GPC5: variants seen among roughly 807,000 people sequenced by gnomAD.
The protein encoded by GPC5 is glypican-5.
A neutral mutation model predicts 53.9 loss-of-function variants in GPC5; 47 were observed. The ratio of observed to expected loss-of-function variants is 0.87; its 90% CI spans 0.69 to 1.11. GPC5 has a LOEUF of 1.11. Among genes scored for constraint, GPC5 ranks in the 50% most tolerant of loss-of-function variants. The pLI, the probability that GPC5 is intolerant of heterozygous loss-of-function variation, is 0.00. For synonymous variants in GPC5, 286 were observed against 263.3 expected, an observed-to-expected ratio of 1.09 and a Z score of -0.84; for missense variants, 748 against 713.1, an observed-to-expected ratio of 1.05 and a Z score of -0.56.
At chr13:92,647,635 G>A (rs1211270321) in intron 7 of GPC5, among the ~76,000 whole-genome samples, 2 of 152,068 alleles carry the variant, frequency 1.3e-5, no homozygotes, top group East Asian at 3.9e-4. Flanking sequence ...TATAACAATA[G>A]AGTTCCAGAG....
At chr13:91,427,484 T>G (rs996902680) in intron 1 of GPC5, among the ~76,000 whole-genome samples, 56 of 152,180 alleles carry the variant, frequency 3.7e-4, no homozygotes, top group African/African-American at 1.3e-3. Flanking sequence ...GCCAGTAACC[T>G]CTTTGTTTTG....
At chr13:92,703,645 TTA>T (rs1254774641) in intron 7 of GPC5, among the ~76,000 whole-genome samples, 1 of 150,044 alleles carries the variant, frequency 6.7e-6, no homozygotes, top group Non-Finnish European at 1.5e-5. Flanking sequence ...TTATAAGATG[TTA>T]TAAGTTTATT....
At chr13:91,911,140 G>C (rs2039606053) in intron 6 of GPC5, among the ~76,000 whole-genome samples, 1 of 152,112 alleles carries the variant, frequency 6.6e-6, no homozygotes, top group South Asian at 2.1e-4. Flanking sequence ...GCTAAAACAG[G>C]GTGAGTTAAA....
chr13:92,263,189 A>G (rs1311980920), intron 7 of GPC5, among the ~76,000 whole-genome samples: 1 of 152,144 alleles, frequency 6.6e-6, no homozygotes, highest in African/African-American at 2.4e-5. Flanking sequence ...GAATTATAGA[A>G]TTATAAATGA....
At chr13:92,450,474 A>T (rs1373054702) in intron 7 of GPC5, among the ~76,000 whole-genome samples, 1 of 152,034 alleles carries the variant, frequency 6.6e-6, no homozygotes, top group Admixed American at 6.6e-5. Flanking sequence ...GGAATTTTTC[A>T]CTTGTGGCAT....
intron 6 of GPC5, among the ~76,000 whole-genome samples, chr13:92,026,044 C>T (rs868635580): frequency 2.0e-5 from 3 of 152,132 alleles, no homozygotes; most frequent in South Asian, 2.1e-4. Context: ...ACAGCACTTC[C>T]GAGCAGGAGT....
intron 7 of GPC5, among the ~76,000 whole-genome samples, chr13:92,324,473 A>G (rs1277104600): frequency 6.6e-6 from 1 of 151,978 alleles, no homozygotes; most frequent in African/African-American, 2.4e-5. Context: ...GCTGTAGGCC[A>G]ACATCAGAGA....
At chr13:91,468,289 A>C (rs1360034792) in intron 2 of GPC5, among the ~76,000 whole-genome samples, 2 of 152,110 alleles carry the variant, frequency 1.3e-5, no homozygotes, top group Non-Finnish European at 2.9e-5. Flanking sequence ...GGTACCCTAA[A>C]GAATGTTGGT....
intron 7 of GPC5, among the ~76,000 whole-genome samples, chr13:92,183,331 G>T (rs1222804600): frequency 1.3e-5 from 2 of 152,160 alleles, no homozygotes; most frequent in Non-Finnish European, 1.5e-5. Context: ...ATGGAAGGCT[G>T]AGGTTGGGAT....
intron 7 of GPC5, among the ~76,000 whole-genome samples, chr13:92,549,204 G>A (rs1053578676): frequency 6.6e-6 from 1 of 152,058 alleles, no homozygotes; most frequent in African/African-American, 2.4e-5. Context: ...TATTATACTT[G>A]TTTCTGACTC....
chr13:92,137,249 G>T (rs2041791828), intron 6 of GPC5, among the ~76,000 whole-genome samples: 1 of 152,230 alleles, frequency 6.6e-6, no homozygotes, highest in Non-Finnish European at 1.5e-5. Context: ...CAATTAATGT[G>T]TGGCTGGAAT....
intron 7 of GPC5, among the ~76,000 whole-genome samples, chr13:92,391,334 G>T (rs1479039087): frequency 1.3e-5 from 2 of 152,090 alleles, no homozygotes; most frequent in African/African-American, 4.8e-5. Context: ...ATAGGATTGT[G>T]CATTAAGATA....
chr13:92,235,368 C>T (rs2042562244), intron 7 of GPC5, among the ~76,000 whole-genome samples: 2 of 151,886 alleles, frequency 1.3e-5, no homozygotes, highest in Admixed American at 6.6e-5. Context: ...TTTTTGTCAC[C>T]CGTAATTTTC....
chr13:91,716,528 A>G (rs1275331634), intron 3 of GPC5, among the ~76,000 whole-genome samples: 1 of 152,220 alleles, frequency 6.6e-6, no homozygotes, highest in African/African-American at 2.4e-5. Flanking sequence ...TGCCATCTGC[A>G]TTATATCTGT....
At chr13:91,419,463 G>A (rs1409600526) in intron 1 of GPC5, among the ~76,000 whole-genome samples, 1 of 152,078 alleles carries the variant, frequency 6.6e-6, no homozygotes, top group Non-Finnish European at 1.5e-5. Flanking sequence ...TTTGCTATTA[G>A]TTATTACAAA....
chr13:91,805,140 T>A (rs1370240884), intron 5 of GPC5, among the ~76,000 whole-genome samples: 1 of 152,136 alleles, frequency 6.6e-6, no homozygotes, highest in African/African-American at 2.4e-5. Context: ...GAGGGAGTGG[T>A]GTGGTTGATG....
chr13:92,002,392 T>C (rs2040563592), intron 6 of GPC5, among the ~76,000 whole-genome samples: 1 of 152,178 alleles, frequency 6.6e-6, no homozygotes, highest in Non-Finnish European at 1.5e-5. Context: ...AAATATTATC[T>C]TTTTACACCA....
intron 1 of GPC5, among the ~76,000 whole-genome samples, chr13:91,431,804 T>C (rs1879473645): frequency 6.6e-6 from 1 of 152,194 alleles, no homozygotes; most frequent in South Asian, 2.1e-4. Flanking sequence ...CCAAAGGAAG[T>C]ATCTGTTGTA....
At chr13:92,678,598 T>C (rs1215093413) in intron 7 of GPC5, among the ~76,000 whole-genome samples, 9 of 152,178 alleles carry the variant, frequency 5.9e-5, no homozygotes, top group Admixed American at 4.6e-4. Flanking sequence ...GCAGAGTGAA[T>C]ACCGTGGAAA....
Sources: allele counts gnomAD v4.1 joint callset (sites outside exome capture counted in the v4.1 genomes callset), GRCh38; gene constraint gnomAD v4.1.1; transcripts MANE v1.5; gene names NCBI Gene and HGNC (gene_info 2026-07-23, HGNC 2026-07-21).